Variants in GOLGA3 observed in about 807,000 individuals in gnomAD.
GOLGA3 encodes golgin subfamily A member 3.
Under a neutral mutation model 169.4 loss-of-function variants are expected in GOLGA3, and 75 were observed. The ratio of observed to expected loss-of-function variants is 0.44; its 90% confidence interval spans 0.37 to 0.54. The LOEUF (loss-of-function observed/expected upper bound fraction) is 0.54. Among genes scored for constraint, GOLGA3 ranks in the 20% least tolerant of loss-of-function variants. The pLI, the probability that GOLGA3 is intolerant of heterozygous loss-of-function variation, is 0.00. For synonymous variants in GOLGA3, 824 were observed against 822.4 expected (o/e 1.00, Z -0.03); for missense variants, 1,899 against 1,930.0 (o/e 0.98, Z 0.30).
rs1233060932 is a variant in GOLGA3 at position 132,770,561 on chromosome 12, C to G, written c.*2544G>C. The G allele has an allele frequency of 7.1e-6, 1 of 140,730 alleles. No individual in the cohort carries two copies. Among genetic ancestry groups the G allele is most frequent in the Non-Finnish European group, 1.5e-5 (1 of 65,890 alleles). 8.7% of individuals were successfully genotyped at this position (140,730 alleles called of 1,614,324 possible). On this transcript the variant is annotated 3_prime_UTR_variant, in exon 24 of 24. Coordinates refer to ENST00000450791, the MANE Select transcript of GOLGA3 (RefSeq NM_001389683.1). ...AAAAATACATGGTGAACATCACTCACTTGAGGACTTCCCATAAGCAAGGAG... is the reference window on the plus strand; with the variant it reads ...AAAAATACATGGTGAACATCACTCAGTTGAGGACTTCCCATAAGCAAGGAG...
chr12:132,813,241 T>C (rs1949803621), intron 4 of GOLGA3, 66 bp downstream of exon 4: 2 of 1,075,560 alleles, frequency 1.9e-6, no homozygotes, highest in African/African-American at 1.5e-5. Flanking sequence ...CCGGGTTATG[T>C]GGGACCAACA....
rs756446096 is a variant in GOLGA3 at position 132,786,806 on chromosome 12, G to C, written c.2812-19C>G. The C allele has an allele frequency of 3.4e-5, 52 of 1,533,900 alleles. 1 individual carries two copies. The highest frequency in any genetic ancestry group is 4.6e-5 in the Non-Finnish European group (51 of 1,107,264). ...GCAACGACTGTGGAAGGGAAGGAGG[G>C]CGTGAGGAGCGGCACTGCCACCCCC... On this transcript the variant is annotated intron_variant, in intron 13 of 23. Coordinates refer to ENST00000450791, the MANE Select transcript of GOLGA3 (RefSeq NM_001389683.1).
rs1168249214 is a variant in GOLGA3 at position 132,770,469 on chromosome 12, A to G, written c.*2636T>C. Reference sequence around the variant, plus strand: ...CACCCAAGGGCACACACGCAGGAAAACCGGGGTGAGAACATAGAGCTACTT... The same window carrying G: ...CACCCAAGGGCACACACGCAGGAAAGCCGGGGTGAGAACATAGAGCTACTT... On this transcript the variant is annotated 3_prime_UTR_variant, in exon 24 of 24. Transcript: ENST00000450791. 6.6e-6 allele frequency: 1 copy of G among 152,120 alleles called. No individual in the cohort carries two copies. The highest frequency in any genetic ancestry group is 1.5e-5 in the Non-Finnish European group (1 of 68,036). The allele number at this position is 152,120 out of a possible 1,614,324, so 9.4% of individuals were successfully genotyped here.
At chr12:132,775,120 G>A in intron 22 of GOLGA3, 21 bp downstream of exon 22, 1 of 1,606,788 alleles carries the variant, frequency 6.2e-7, no homozygotes, top group Non-Finnish European at 8.5e-7. Context: ...GCTACCCCGG[G>A]AGGGACGCGG....
chr12:132,828,597 G>A (rs1950521556), intron 1 of GOLGA3: 3 of 152,344 alleles, frequency 2.0e-5, no homozygotes, highest in African/African-American at 7.2e-5. Flanking sequence ...TACAGAGCCA[G>A]CTCCGCCGCA....
intron 3 of GOLGA3, among the ~76,000 whole-genome samples, chr12:132,815,303 G>C (rs1181534095): frequency 1.3e-5 from 2 of 152,120 alleles, no homozygotes; most frequent in Non-Finnish European, 2.9e-5. Flanking sequence ...ATAGGCTCAG[G>C]GCCAGGCGCC....
intron 2 of GOLGA3, among the ~76,000 whole-genome samples, chr12:132,820,468 A>G (rs2136760221): frequency 6.6e-6 from 1 of 152,334 alleles, no homozygotes; most frequent in East Asian, 1.9e-4. Flanking sequence ...CGGGTCTCAG[A>G]ACTCTTGATC....
intron 11 of GOLGA3, among the ~76,000 whole-genome samples, chr12:132,795,196 A>AG (rs1469621698): frequency 1.3e-5 from 2 of 151,914 alleles, no homozygotes; most frequent in Non-Finnish European, 2.9e-5. Context: ...AAAAAAAAAA[A>AG]AAAAGAAAAA....
chr12:132,818,633 C>T (rs1436156912), intron 2 of GOLGA3, among the ~76,000 whole-genome samples: 1 of 152,186 alleles, frequency 6.6e-6, no homozygotes, highest in Non-Finnish European at 1.5e-5. Context: ...AAACCACAAA[C>T]ACTTAAAACA....
intron 7 of GOLGA3, among the ~76,000 whole-genome samples, chr12:132,802,515 C>G (rs1220207845): frequency 1.3e-5 from 2 of 151,982 alleles, no homozygotes; most frequent in Non-Finnish European, 2.9e-5. Flanking sequence ...GTCCCAGCCA[C>G]TTGGGAGGCT....
chr12:132,827,168 G>A (rs893537992), intron 1 of GOLGA3, among the ~76,000 whole-genome samples: 4 of 152,186 alleles, frequency 2.6e-5, no homozygotes, highest in Admixed American at 1.3e-4. Context: ...CGTTTCACCT[G>A]TTCCTATCGG....
intron 17 of GOLGA3, among the ~76,000 whole-genome samples, chr12:132,782,015 C>T (rs2045632813): frequency 6.6e-6 from 1 of 152,172 alleles, no homozygotes; most frequent in African/African-American, 2.4e-5. Context: ...GCTCCAGCCT[C>T]ACCTCAGAGA....
At chr12:132,788,955 A>AGGCCCCGCCCCAGACACG in intron 13 of GOLGA3, 72 bp downstream of exon 13, 1 of 930,004 alleles carries the variant, frequency 1.1e-6, no homozygotes, top group South Asian at 2.0e-5. Flanking sequence ...CCCCAGACAC[A>AGGCCCCGCCCCAGACACG]GGCCCCACCC....
chr12:132,814,830 C>T (rs563653531), intron 3 of GOLGA3, among the ~76,000 whole-genome samples: 1 of 152,334 alleles, frequency 6.6e-6, no homozygotes, highest in South Asian at 2.1e-4. Context: ...ATCTAAAACC[C>T]AGACCTTTCA....
chr12:132,802,588 G>A (rs1034050257), intron 7 of GOLGA3, among the ~76,000 whole-genome samples: 1 of 149,980 alleles, frequency 6.7e-6, no homozygotes, highest in African/African-American at 2.5e-5. Context: ...CTGCACTGCT[G>A]CACTCCAGCG....
chr12:132,776,805 C>G (rs757501898), intron 20 of GOLGA3, 49 bp from the exon 21 acceptor site: 1 of 1,604,112 alleles, frequency 6.2e-7, no homozygotes, highest in South Asian at 1.1e-5. Context: ...AGTGGCTTTA[C>G]TGCCCTGGAA....
chr12:132,787,584 T>C (rs1593266334), intron 13 of GOLGA3, among the ~76,000 whole-genome samples: 1 of 25,852 alleles, frequency 3.9e-5, no homozygotes, highest in Admixed American at 6.2e-4. Context: ...CCGGGACCCC[T>C]CCCCAGAACC....
chr12:132,782,232 G>C (rs554308847), intron 17 of GOLGA3, 64 bp downstream of exon 17: 7 of 1,353,766 alleles, frequency 5.2e-6, no homozygotes, highest in Admixed American at 1.7e-5. Flanking sequence ...TGAGATTCTC[G>C]GAGTGCGCAC....
At chr12:132,792,979 A>C (rs112013368) in intron 11 of GOLGA3, among the ~76,000 whole-genome samples, 664 of 59,960 alleles carry the variant, frequency 0.011, 20 homozygotes, top group African/African-American at 0.037. Context: ...ACGGGATCTG[A>C]ACTCGGAGGG....
Sources: allele counts gnomAD v4.1 joint callset (sites outside exome capture counted in the v4.1 genomes callset), GRCh38; gene constraint gnomAD v4.1.1; transcripts MANE v1.5; gene names NCBI Gene and HGNC (gene_info 2026-07-23, HGNC 2026-07-21).